The following RBFOX1 variants were observed in gnomAD, a reference collection of about 807,000 sequenced individuals.
RBFOX1 encodes the protein RNA binding fox-1 homolog 1, also known as RNA binding protein fox-1 homolog 1.
A neutral mutation model predicts 57.7 loss-of-function variants in RBFOX1; 8 were observed. The observed-to-expected ratio is 0.14, with a 90% CI of 0.08 to 0.25. The LOEUF is 0.25. RBFOX1 is among the 10% of genes least tolerant of loss of function. The pLI, the probability that RBFOX1 is intolerant of heterozygous loss-of-function variation, is 1.00. For missense variants in RBFOX1, 611 were observed against 548.5 expected, an observed-to-expected ratio of 1.11 and a Z score of -1.14; for synonymous variants, 326 against 222.4, an observed-to-expected ratio of 1.47 and a Z score of -4.15.
At chr16:6,234,233 T>C (rs2152911996) in intron 1 of RBFOX1, among the ~76,000 whole-genome samples, 1 of 152,336 alleles carries the variant, frequency 6.6e-6, no homozygotes, top group East Asian at 1.9e-4. Flanking sequence ...TTTTTATTTA[T>C]TCTCAAAATT....
intron 1 of RBFOX1, among the ~76,000 whole-genome samples, chr16:6,268,893 C>T (rs1040931505): frequency 1.3e-5 from 2 of 152,126 alleles, no homozygotes; most frequent in Non-Finnish European, 2.9e-5. Context: ...GGGACTGGTT[C>T]CAGGACAGTC....
chr16:6,862,854 C>T (rs139277763), intron 3 of RBFOX1, among the ~76,000 whole-genome samples: 1,790 of 151,476 alleles, frequency 0.012, 20 homozygotes, highest in Non-Finnish European at 0.019. Context: ...TCATGGTGGC[C>T]GGCACCTGTA....
chr16:7,504,358 A>G (rs1447161839), intron 4 of RBFOX1, among the ~76,000 whole-genome samples: 1 of 152,046 alleles, frequency 6.6e-6, no homozygotes, highest in African/African-American at 2.4e-5. Context: ...TATCATCATT[A>G]ACGTGATTAA....
chr16:5,642,630 C>T lies in RBFOX1; in HGVS notation c.318+43669C>T, dbSNP rs570333391. ...TAGCCGCCCCCCCTTCCCCAGCCAC[C>T]CAGCCTCATGTCCTCACTGAATAGA... On this transcript the variant is annotated intron_variant, in intron 3 of 19. Coordinates refer to the RBFOX1 transcript ENST00000641259. 2.6e-3 allele frequency among the ~76,000 whole-genome samples: 394 copies of T among 152,270 alleles called. 1 individual carries two copies. Among genetic ancestry groups the T allele is most frequent in the Non-Finnish European group, 4.3e-3 (292 of 68,014 alleles).
intron 4 of RBFOX1, among the ~76,000 whole-genome samples, chr16:7,190,800 G>T (rs17560841): frequency 0.036 from 5,459 of 152,266 alleles, 135 homozygotes; most frequent in Non-Finnish European, 0.053. Flanking sequence ...CGCCATTTCA[G>T]TCATTTTTGG....
At chr16:7,080,072 T>C (rs935415960) in intron 4 of RBFOX1, among the ~76,000 whole-genome samples, 1 of 140,052 alleles carries the variant, frequency 7.1e-6, no homozygotes, top group Non-Finnish European at 1.5e-5. Context: ...TATATATACA[T>C]ATATACATAT....
At chr16:7,565,190 A>G (rs1205497168) in intron 5 of RBFOX1, among the ~76,000 whole-genome samples, 2 of 152,056 alleles carry the variant, frequency 1.3e-5, no homozygotes, top group Non-Finnish European at 2.9e-5. Flanking sequence ...ACTTTTCACA[A>G]TCTTGCTTCG....
At chr16:7,027,496 A>G (rs2041314996) in intron 3 of RBFOX1, among the ~76,000 whole-genome samples, 1 of 146,896 alleles carries the variant, frequency 6.8e-6, no homozygotes. Flanking sequence ...CAGAGCCAGG[A>G]TTCAAACTCA....
chr16:6,541,182 A>G (rs566160785), intron 2 of RBFOX1, among the ~76,000 whole-genome samples: 5 of 152,304 alleles, frequency 3.3e-5, no homozygotes, highest in Admixed American at 6.5e-5. Flanking sequence ...CTTTCATTCT[A>G]TGCGGTAATG....
At chr16:7,010,432 C>G (rs541818623) in intron 3 of RBFOX1, among the ~76,000 whole-genome samples, 17 of 152,134 alleles carry the variant, frequency 1.1e-4, no homozygotes, top group Non-Finnish European at 1.6e-4. Flanking sequence ...AGTGAGACCT[C>G]TTAGAGTTGA....
At chr16:6,091,293 G>C (rs533496241) in intron 1 of RBFOX1, among the ~76,000 whole-genome samples, 1 of 152,060 alleles carries the variant, frequency 6.6e-6, no homozygotes, top group African/African-American at 2.4e-5. Flanking sequence ...CCTTTCTCCT[G>C]GTCCATGAAG....
At chr16:6,691,932 A>G (rs979673506) in intron 3 of RBFOX1, among the ~76,000 whole-genome samples, 5 of 152,212 alleles carry the variant, frequency 3.3e-5, no homozygotes, top group African/African-American at 9.6e-5. Context: ...GGAAGGGGCC[A>G]TGGGCCATGG....
At chr16:6,338,908 C>G (rs2084137074) in intron 2 of RBFOX1, among the ~76,000 whole-genome samples, 3 of 152,136 alleles carry the variant, frequency 2.0e-5, no homozygotes, top group Non-Finnish European at 4.4e-5. Flanking sequence ...AGAACTCATT[C>G]TCATAATGCA....
chr16:6,423,608 A>T (rs1052459993), intron 2 of RBFOX1, among the ~76,000 whole-genome samples: 14 of 152,050 alleles, frequency 9.2e-5, no homozygotes, highest in Admixed American at 4.6e-4. Context: ...GTCTCAAAAT[A>T]AAAAATAAAA....
At chr16:7,064,089 A>T (rs2055301720) in intron 4 of RBFOX1, among the ~76,000 whole-genome samples, 1 of 152,030 alleles carries the variant, frequency 6.6e-6, no homozygotes, top group African/African-American at 2.4e-5. Context: ...ACTTGAAGCT[A>T]AGGTCTTTAA....
chr16:7,477,986 T>G (rs1211616387), intron 4 of RBFOX1, among the ~76,000 whole-genome samples: 1 of 152,248 alleles, frequency 6.6e-6, no homozygotes, highest in Non-Finnish European at 1.5e-5. Flanking sequence ...TTCATAAGTA[T>G]ATAATTTGAA....
intron 2 of RBFOX1, among the ~76,000 whole-genome samples, chr16:5,594,549 A>G (rs980908071): frequency 2.0e-5 from 3 of 152,194 alleles, no homozygotes; most frequent in Non-Finnish European, 4.4e-5. Flanking sequence ...AGGCGGGAGA[A>G]CTTGAAGCAA....
intron 3 of RBFOX1, among the ~76,000 whole-genome samples, chr16:7,043,259 C>G (rs2046787137): frequency 6.6e-6 from 1 of 152,140 alleles, no homozygotes; most frequent in Admixed American, 6.5e-5. Context: ...ACCCCTGGAA[C>G]CCTGTTTTTT....
chr16:6,816,358 A>T (rs976714991), intron 3 of RBFOX1, among the ~76,000 whole-genome samples: 11 of 152,074 alleles, frequency 7.2e-5, no homozygotes, highest in African/African-American at 2.7e-4. Flanking sequence ...CTGCCTGTTG[A>T]AAAAGCCTTT....
Sources: allele counts gnomAD v4.1 joint callset (sites outside exome capture counted in the v4.1 genomes callset), GRCh38; gene constraint gnomAD v4.1.1; transcripts MANE v1.5; gene names NCBI Gene and HGNC (gene_info 2026-07-23, HGNC 2026-07-21).